PLEKHA7: variants seen among roughly 807,000 people sequenced by gnomAD.
The protein encoded by PLEKHA7 is pleckstrin homology domain-containing family A member 7.
In PLEKHA7, 104 loss-of-function variants were observed where a neutral mutation model predicts 170.0. The ratio of observed to expected loss-of-function variants is 0.61; its 90% CI spans 0.52 to 0.72. PLEKHA7 has a LOEUF of 0.72. Among genes scored for constraint, PLEKHA7 ranks in the 30% least tolerant of loss-of-function variants. The pLI, the probability that PLEKHA7 is intolerant of heterozygous loss-of-function variation, is 0.00. For synonymous variants in PLEKHA7, 648 were observed against 660.8 expected, an observed-to-expected ratio of 0.98 and a Z score of 0.30; for missense variants, 1,615 against 1,671.7, an observed-to-expected ratio of 0.97 and a Z score of 0.59.
chr11:17,007,947 A>C (rs1865109595), intron 3 of PLEKHA7, among the ~76,000 whole-genome samples: 1 of 152,166 alleles, frequency 6.6e-6, no homozygotes, highest in Non-Finnish European at 1.5e-5. Flanking sequence ...CCGCAATTAC[A>C]TTTGCACCAA....
intron 3 of PLEKHA7, among the ~76,000 whole-genome samples, chr11:16,971,588 G>T (rs532031639): frequency 4.6e-5 from 7 of 152,300 alleles, no homozygotes; most frequent in African/African-American, 1.7e-4. Context: ...CCACACAGGT[G>T]CCAGGGACAT....
At position 16,789,028 on chromosome 11, in the gene PLEKHA7, G is replaced by A. The variant is rs1203072252; in HGVS notation, c.3357+68C>T. 2 of 1,535,006 alleles carry A rather than the reference G, an allele frequency of 1.3e-6. No individual in the cohort carries two copies. The highest frequency in any genetic ancestry group is 2.4e-5 in the East Asian group (1 of 42,536). On this transcript the variant is annotated intron_variant, in intron 23 of 26. Coordinates refer to ENST00000531066, the MANE Select transcript of PLEKHA7 (RefSeq NM_001329630.2). The surrounding 1 kb of genome is among the most constrained non-coding windows in gnomAD (Gnocchi z 4.6). Reference sequence around the variant, plus strand: ...TCACTGGGAGGTGTGATGTGCTTGTGTTTGGGGGACTCTGAGGGGCACTCG... The same window carrying A: ...TCACTGGGAGGTGTGATGTGCTTGTATTTGGGGGACTCTGAGGGGCACTCG...
intron 3 of PLEKHA7, among the ~76,000 whole-genome samples, chr11:16,942,250 GAACAGGTCTAAGGA>G (rs1375194276): frequency 1.3e-5 from 2 of 152,146 alleles, no homozygotes; most frequent in Non-Finnish European, 2.9e-5. Context: ...CATTCCCTTA[GAACAGGTCTAAGGA>G]GAAAGACTTG....
intron 3 of PLEKHA7, among the ~76,000 whole-genome samples, chr11:16,907,685 G>GTACTC: frequency 7.5e-6 from 1 of 132,730 alleles, no homozygotes; most frequent in African/African-American, 2.7e-5. Flanking sequence ...TCCGGGAGGT[G>GTACTC]AGGGGCGCCT....
intron 13 of PLEKHA7, among the ~76,000 whole-genome samples, chr11:16,807,546 C>A (rs1036187483): frequency 6.6e-6 from 1 of 152,140 alleles, no homozygotes; most frequent in East Asian, 1.9e-4. Context: ...GGTTCTGCGG[C>A]AGAAGGCAAG....
chr11:16,885,461 C>T (rs426570), intron 3 of PLEKHA7, among the ~76,000 whole-genome samples: 41,800 of 151,014 alleles, frequency 0.28, 5,843 homozygotes, highest in Non-Finnish European at 0.3. Flanking sequence ...GAATTTGAGA[C>T]TAGCCTGGCC....
chr11:16,865,132 G>C (rs1199215399), intron 4 of PLEKHA7, among the ~76,000 whole-genome samples: 1 of 152,166 alleles, frequency 6.6e-6, no homozygotes, highest in Non-Finnish European at 1.5e-5. Context: ...TCTAGAACAT[G>C]GTGTTTGGAG....
Position 16,826,183 on chromosome 11 carries a change from T to C in PLEKHA7, c.1280A>G (p.Gln427Arg), listed in dbSNP as rs1590238107. The change falls in exon 10 of 27, where the codon CAA becomes CGA. Residue 427 changes from glutamine to arginine, a missense_variant. Physicochemically the swap from Gln to Arg is conservative, Grantham distance 43 (BLOSUM62 1). Coordinates refer to ENST00000531066, the MANE Select transcript of PLEKHA7 (RefSeq NM_001329630.2). Reference sequence around the variant, plus strand: ...CACCTGGGCCAGATTGCTCTTCCTTTGGCTGTGTTTTTCAGGGTTGGTCCT... The same window carrying C: ...CACCTGGGCCAGATTGCTCTTCCTTCGGCTGTGTTTTTCAGGGTTGGTCCT... ...PPRTNPEKHSQRKSNLAQVEH... is the reference protein window; with the variant it reads ...PPRTNPEKHSRRKSNLAQVEH... The C allele has an allele frequency of 6.2e-7, 1 of 1,614,224 alleles. No homozygotes were observed. The highest frequency in any genetic ancestry group is 8.5e-7 in the Non-Finnish European group (1 of 1,180,036).
Position 16,782,816 on chromosome 11 carries a change from C to G in PLEKHA7, c.3731G>C (p.Arg1244Pro). Residue 1244 changes from arginine to proline, a missense_variant, in exon 26 of 27, where the codon CGC becomes CCC. Transcript: ENST00000531066. ...CAGGGCGTAGGAGATGTTGATGATG[C>G]GCTCCTGCTCCTGCAGCTGCAAGTC... Reference protein sequence around the residue: ...DLDLQLQEQERIINISYALAS... With the variant: ...DLDLQLQEQEPIINISYALAS... The G allele has an allele frequency of 2.0e-6, 3 of 1,536,164 alleles. No individual in the cohort carries two copies. Among genetic ancestry groups the G allele is most frequent in the South Asian group, 2.4e-5 (2 of 84,070 alleles).
chr11:16,991,675 G>C (rs556453938), intron 3 of PLEKHA7, among the ~76,000 whole-genome samples: 1 of 152,170 alleles, frequency 6.6e-6, no homozygotes, highest in Non-Finnish European at 1.5e-5. Flanking sequence ...GGGTTGGAGA[G>C]GGGACAAGAT....
intron 7 of PLEKHA7, 48 bp downstream of exon 7, chr11:16,852,235 T>C (rs1255922846): frequency 6.5e-7 from 1 of 1,545,620 alleles, no homozygotes; most frequent in Non-Finnish European, 8.9e-7. Context: ...CATCCACATA[T>C]GTAAAACTGA....
At chr11:16,977,987 CA>C (rs1389623571) in intron 3 of PLEKHA7, among the ~76,000 whole-genome samples, 1 of 152,118 alleles carries the variant, frequency 6.6e-6, no homozygotes, top group Non-Finnish European at 1.5e-5. Context: ...GCCACTCCAA[CA>C]AAAACCCACT....
At chr11:16,884,859 AT>A (rs1040102776) in intron 3 of PLEKHA7, among the ~76,000 whole-genome samples, 1 of 152,162 alleles carries the variant, frequency 6.6e-6, no homozygotes, top group African/African-American at 2.4e-5. Context: ...CAGTAAAGAA[AT>A]TTCTGTAAAT....
At chr11:16,807,566 GA>G in intron 13 of PLEKHA7, among the ~76,000 whole-genome samples, 1 of 152,310 alleles carries the variant, frequency 6.6e-6, no homozygotes, top group East Asian at 1.9e-4. Flanking sequence ...GGAGGAACAT[GA>G]TAGAAGGGAA....
chr11:16,856,015 A>G (rs1471246044), intron 4 of PLEKHA7, 101 bp from the exon 5 acceptor site: 4 of 960,492 alleles, frequency 4.2e-6, no homozygotes, highest in African/African-American at 3.2e-5. Flanking sequence ...GGGCCTTAGA[A>G]CAACCCAACC....
At chr11:17,005,653 A>G (rs1435419823) in intron 3 of PLEKHA7, among the ~76,000 whole-genome samples, 1 of 152,222 alleles carries the variant, frequency 6.6e-6, no homozygotes. Flanking sequence ...TCCTATCTCT[A>G]AAACACACTC....
rs1257986807 is a variant in PLEKHA7 at position 16,870,599 on chromosome 11, CAGCCTGGGTGACAA to C, written c.305+486_305+499del. Among the ~76,000 whole-genome samples, 16 of 149,322 alleles carry C rather than the reference CAGCCTGGGTGACAA, an allele frequency of 1.1e-4. 1 individual carries two copies. The highest frequency in any genetic ancestry group is 3.0e-4 in the African/African-American group (12 of 40,284). Reference sequence around the variant, plus strand: ...GAGCCAAGATTGTGCCACTGCACTCCAGCCTGGGTGACAAAGCCTGGGTGACAAAAAGACCCTGC... The same window carrying C: ...GAGCCAAGATTGTGCCACTGCACTCCAGCCTGGGTGACAAAAAGACCCTGC... On this transcript the variant is annotated intron_variant, in intron 4 of 26. Transcript: ENST00000531066.
At chr11:16,857,805 G>A (rs868293350) in intron 4 of PLEKHA7, among the ~76,000 whole-genome samples, 9 of 152,324 alleles carry the variant, frequency 5.9e-5, no homozygotes, top group Middle Eastern at 6.8e-3. Flanking sequence ...TGCAACTTCC[G>A]CCTCCTGGGT....
At chr11:16,862,790 A>G (rs1259027337) in intron 4 of PLEKHA7, among the ~76,000 whole-genome samples, 1 of 152,174 alleles carries the variant, frequency 6.6e-6, no homozygotes, top group African/African-American at 2.4e-5. Context: ...TATCATAGAC[A>G]CTGTCTCCTA....
Sources: gnomAD v4.1 joint callset for allele counts (sites outside exome capture counted in the v4.1 genomes callset) on GRCh38, gnomAD v4.1.1 for gene constraint, Gnocchi (gnomAD v3.1) non-coding constraint, MANE v1.5 for transcripts, NCBI Gene and HGNC (gene_info 2026-07-23, HGNC 2026-07-21) for gene names.